The following PCSK5 variants were observed in gnomAD, a reference collection of about 807,000 sequenced individuals.
The protein encoded by PCSK5 is proprotein convertase subtilisin/kexin type 5, also known as prohormone convertase 5.
PCSK5 carries 129 observed loss-of-function variants against 233.2 expected under a neutral mutation model. That is an observed-to-expected ratio of 0.55 (90% CI 0.48 to 0.64). The LOEUF (loss-of-function observed/expected upper bound fraction) is 0.64. PCSK5 is among the 30% of genes least tolerant of loss of function. The pLI is 0.00. For missense variants in PCSK5, 2,076 were observed against 2,430.1 expected, an observed-to-expected ratio of 0.85 and a Z score of 3.06; for synonymous variants, 825 against 879.2, an observed-to-expected ratio of 0.94 and a Z score of 1.09.
chr9:75,929,303 A>G (rs1484776185), intron 1 of PCSK5, among the ~76,000 whole-genome samples: 1 of 152,202 alleles, frequency 6.6e-6, no homozygotes, highest in East Asian at 1.9e-4. Context: ...GCCATGCACT[A>G]GGAGCTGGGA....
chr9:76,296,101 A>G (rs1297933488), intron 26 of PCSK5, among the ~76,000 whole-genome samples: 1 of 152,152 alleles, frequency 6.6e-6, no homozygotes, highest in Non-Finnish European at 1.5e-5. Context: ...ATTTTTTTAG[A>G]TGGAGTCTCA....
intron 9 of PCSK5, among the ~76,000 whole-genome samples, chr9:76,127,161 C>T (rs545814794): frequency 7.9e-5 from 12 of 152,188 alleles, no homozygotes; most frequent in East Asian, 1.9e-4. Context: ...ATAATAATGG[C>T]GATGCAGTCA....
At position 76,240,668 on chromosome 9, in the gene PCSK5, T is replaced by C. The variant is rs1353348469; in HGVS notation, c.3126T>C (p.Cys1042=). The C allele has an allele frequency of 1.9e-6, 3 of 1,582,004 alleles. No individual in the cohort carries two copies. Among genetic ancestry groups the C allele is most frequent in the Non-Finnish European group, 2.6e-6 (3 of 1,162,356 alleles). Residue 1042 remains cysteine (C), a synonymous_variant, in exon 24 of 38, where the codon TGT becomes TGC. Transcript: ENST00000674117. ...AATGTGTCCCTTGTGAAGAAGGATG[T>C]CTGGGATGCAGCTTGGGTATGTCCT... ...YEECVPCEEG[C]LGCSLDDPGT...
Position 76,271,873 on chromosome 9 carries a change from T to C in PCSK5, c.3143-20360T>C, listed in dbSNP as rs772248991. Among the ~76,000 whole-genome samples the C allele has an allele frequency of 6.1e-4, 93 of 152,230 alleles. 1 individual carries two copies. Among genetic ancestry groups the C allele is most frequent in the Non-Finnish European group, 1.2e-3 (79 of 67,992 alleles). ...ATTCTTTATCTTGCAGCTGCATAAC[T>C]CTCATCTCTGCCACATAGTCTCATG... is the stretch of plus-strand genomic sequence containing the variant. On this transcript the variant is annotated intron_variant, in intron 24 of 37. Coordinates refer to ENST00000674117, the MANE Select transcript of PCSK5 (RefSeq NM_001372043.1).
chr9:76,358,714 A>G lies in PCSK5; in HGVS notation c.5456A>G (p.Tyr1819Cys), dbSNP rs776497708. ...LADPNKSYSSYKSSYRESTSF... is the reference protein window; with the variant it reads ...LADPNKSYSSCKSSYRESTSF... ...GACCCCAACAAGTCTTACTCCTCCT[A>G]TAAGAGCAGCTATAGAGAGAGCACC... Residue 1819 changes from tyrosine to cysteine, a missense_variant, in exon 38 of 38, where the codon TAT (tyrosine) becomes TGT (cysteine). Coordinates refer to ENST00000674117, the MANE Select transcript of PCSK5 (RefSeq NM_001372043.1). The G allele has an allele frequency of 1.9e-6, 3 of 1,612,858 alleles. No individual in the cohort carries two copies. Among genetic ancestry groups the G allele is most frequent in the South Asian group, 1.1e-5 (1 of 91,076 alleles).
intron 7 of PCSK5, among the ~76,000 whole-genome samples, chr9:76,089,062 T>C (rs1184058251): frequency 1.3e-5 from 2 of 151,908 alleles, no homozygotes; most frequent in Non-Finnish European, 2.9e-5. Flanking sequence ...GCTTTAAAAA[T>C]AGGAACAGTT....
chr9:76,293,739 G>T (rs189217332), intron 25 of PCSK5, among the ~76,000 whole-genome samples: 3 of 152,250 alleles, frequency 2.0e-5, no homozygotes, highest in Admixed American at 6.5e-5. Flanking sequence ...TCCACTACTC[G>T]CTAATGAGCA....
intron 2 of PCSK5, among the ~76,000 whole-genome samples, chr9:75,983,505 AGAGTACTCTGAGTAGAGGGAGG>A (rs1301376268): frequency 6.6e-6 from 1 of 152,184 alleles, no homozygotes; most frequent in Non-Finnish European, 1.5e-5. Flanking sequence ...CCAAAGGGAG[AGAGTACTCTGAGTAGAGGGAGG>A]GAGTGTCCCG....
intron 24 of PCSK5, among the ~76,000 whole-genome samples, chr9:76,274,200 G>A (rs937668499): frequency 2.6e-5 from 4 of 151,528 alleles, no homozygotes; most frequent in South Asian, 4.2e-4. Flanking sequence ...TTCTTTTTCT[G>A]CTATGCCTAA....
At chr9:76,007,889 C>T (rs575321688) in intron 3 of PCSK5, among the ~76,000 whole-genome samples, 1 of 151,440 alleles carries the variant, frequency 6.6e-6, no homozygotes, top group Middle Eastern at 3.4e-3. Context: ...CCATGTTGCC[C>T]AGGCTAGTCT....
intron 7 of PCSK5, among the ~76,000 whole-genome samples, chr9:76,084,177 A>G (rs1161874575): frequency 1.3e-5 from 2 of 152,206 alleles, no homozygotes; most frequent in African/African-American, 4.8e-5. Context: ...TACCCAATAT[A>G]ATATCATCCA....
At chr9:76,221,777 C>A (rs1331438326) in intron 20 of PCSK5, among the ~76,000 whole-genome samples, 2 of 152,176 alleles carry the variant, frequency 1.3e-5, no homozygotes. Context: ...TGTGTTGGAT[C>A]CACAATTTAC....
intron 20 of PCSK5, among the ~76,000 whole-genome samples, chr9:76,210,024 G>C (rs1055287802): frequency 6.6e-6 from 1 of 152,168 alleles, no homozygotes; most frequent in Non-Finnish European, 1.5e-5. Flanking sequence ...TGTATCATGG[G>C]CTTGGGGGAC....
chr9:75,965,469 C>T (rs1189031524), intron 2 of PCSK5, among the ~76,000 whole-genome samples: 1 of 152,120 alleles, frequency 6.6e-6, no homozygotes, highest in Non-Finnish European at 1.5e-5. Flanking sequence ...GAAATCCCAG[C>T]CCTAGGGCAG....
At chr9:76,269,526 G>A (rs1401619839) in intron 24 of PCSK5, among the ~76,000 whole-genome samples, 1 of 152,142 alleles carries the variant, frequency 6.6e-6, no homozygotes, top group Non-Finnish European at 1.5e-5. Flanking sequence ...AGAAAACAAA[G>A]CTCCATTTGT....
chr9:76,188,654 C>A lies in PCSK5; in HGVS notation c.2359C>A (p.Arg787Ser). 6.2e-7 allele frequency: 1 copy of A among 1,613,146 alleles called. No homozygotes were observed. Among genetic ancestry groups the A allele is most frequent in the Non-Finnish European group, 8.5e-7 (1 of 1,179,144 alleles). The change falls in exon 18 of 38, where the codon CGC becomes AGC. Residue 787 changes from arginine to serine, a missense_variant. Coordinates refer to ENST00000674117, the MANE Select transcript of PCSK5 (RefSeq NM_001372043.1). ...CGGCCAGGACTGCCAGCCCTGCCACCGCTTCTGCGCCACTTGTGCTGGTAC... is the reference window on the plus strand; with the variant it reads ...CGGCCAGGACTGCCAGCCCTGCCACAGCTTCTGCGCCACTTGTGCTGGTAC... ...FNGQDCQPCH[R>S]FCATCAGAGA...
At chr9:76,118,930 C>G (rs746579431) in intron 9 of PCSK5, among the ~76,000 whole-genome samples, 2 of 151,882 alleles carry the variant, frequency 1.3e-5, no homozygotes, top group Non-Finnish European at 2.9e-5. Context: ...TTTTGCTTTC[C>G]TTTCAGATCA....
intron 33 of PCSK5, among the ~76,000 whole-genome samples, chr9:76,330,633 T>TA (rs199580763): frequency 7.9e-5 from 12 of 151,196 alleles, no homozygotes; most frequent in South Asian, 4.2e-4. Context: ...TTTTAAACAT[T>TA]AAAAAAAAAT....
intron 2 of PCSK5, among the ~76,000 whole-genome samples, chr9:75,970,494 T>A (rs1825771596): frequency 1.3e-5 from 2 of 152,242 alleles, no homozygotes; most frequent in Admixed American, 1.3e-4. Context: ...GCAGACTAAA[T>A]GAGTCTCAAC....
Sources: gnomAD v4.1 joint callset for allele counts (sites outside exome capture counted in the v4.1 genomes callset) on GRCh38, gnomAD v4.1.1 for gene constraint, MANE v1.5 for transcripts, NCBI Gene and HGNC (gene_info 2026-07-23, HGNC 2026-07-21) for gene names.